IL17RA: variants seen among roughly 807,000 people sequenced by gnomAD.
IL17RA encodes the protein interleukin-17 receptor A.
IL17RA carries 34 observed loss-of-function variants against 50.4 expected under a neutral mutation model. That is an observed-to-expected ratio of 0.67 (90% CI 0.51 to 0.90). The LOEUF is 0.90. Among genes scored for constraint, IL17RA ranks in the 40% least tolerant of loss-of-function variants. IL17RA has a pLI of 0.00. For missense variants in IL17RA, 1,276 were observed against 1,169.8 expected (o/e 1.09, Z -1.32); for synonymous variants, 585 against 510.4 (o/e 1.15, Z -1.97).
chr22:17,091,825 GT>G (rs1568916452), intron 1 of IL17RA, among the ~76,000 whole-genome samples: 1 of 152,092 alleles, frequency 6.6e-6, no homozygotes, highest in Non-Finnish European at 1.5e-5. Context: ...CTTCGTTGTT[GT>G]TTTTGTGCAG....
rs770735195 is a variant in IL17RA at position 17,108,876 on chromosome 22, C to T, written c.1657C>T (p.Leu553=). ...QPGRMHRVGE[L]SGDNYLRSPG... is the part of the protein sequence containing the mutation. ...GGGCCGCATGCACCGCGTAGGGGAG[C>T]TGTCGGGGGACAACTACCTGCGGAG... Residue 553 remains leucine, a synonymous_variant, in exon 13 of 13, where the codon CTG becomes TTG. Coordinates refer to ENST00000319363, the MANE Select transcript of IL17RA (RefSeq NM_014339.7). The T allele has an allele frequency of 6.2e-7, 1 of 1,610,536 alleles. No homozygotes were observed. Among genetic ancestry groups the T allele is most frequent in the Non-Finnish European group, 8.5e-7 (1 of 1,178,738 alleles).
chr22:17,109,414 C>T lies in IL17RA; in HGVS notation c.2195C>T (p.Thr732Ile), dbSNP rs2061430317. The T allele has an allele frequency of 1.9e-6, 3 of 1,613,096 alleles. No individual in the cohort carries two copies. Among genetic ancestry groups the T allele is most frequent in the Non-Finnish European group, 2.5e-6 (3 of 1,179,952 alleles). The change falls in exon 13 of 13, where the codon ACC (threonine) becomes ATC (isoleucine). Residue 732 changes from threonine (T) to isoleucine (I), a missense_variant. Transcript: ENST00000319363. The stretch of plus-strand genomic sequence containing the variant: ...GAGGACTCGCCCCTTGGCAGCAGCA[C>T]CCCCATGGCGTCTCCTGACCTCCTT... Reference protein sequence around the residue: ...DPEDSPLGSSTPMASPDLLPE... With the variant: ...DPEDSPLGSSIPMASPDLLPE...
rs769892007 is a variant in IL17RA at position 17,097,866 on chromosome 22, T to C, written c.233T>C (p.Ile78Thr). ...CCCTCCTCCCCAAAGGACCTGCAGATCCAGCTGCACTTTGCCCACACCCAA... is the reference window on the plus strand; with the variant it reads ...CCCTCCTCCCCAAAGGACCTGCAGACCCAGCTGCACTTTGCCCACACCCAA... ...LTPSSPKDLQ[I>T]QLHFAHTQQG... The change falls in exon 3 of 13, where the codon ATC becomes ACC. Residue 78 changes from isoleucine (I) to threonine (T), a missense_variant. Physicochemically the swap from Ile to Thr is moderately conservative, Grantham distance 89. Coordinates refer to ENST00000319363, the MANE Select transcript of IL17RA (RefSeq NM_014339.7). The C allele has an allele frequency of 6.2e-7, 1 of 1,614,182 alleles. No homozygotes were observed. Among genetic ancestry groups the C allele is most frequent in the Admixed American group, 1.7e-5 (1 of 60,030 alleles).
Position 17,109,281 on chromosome 22 carries a change from G to A in IL17RA, c.2062G>A (p.Asp688Asn). 1.3e-6 allele frequency: 2 copies of A among 1,515,866 alleles called. No homozygotes were observed. Among genetic ancestry groups the A allele is most frequent in the Non-Finnish European group, 1.8e-6 (2 of 1,136,586 alleles). The allele number at this position is 1,515,866 out of a possible 1,614,324, so 93.9% of individuals were successfully genotyped here. A position where few individuals can be genotyped will look rare whatever the true frequency, so the allele number is the denominator to read the frequency against. Residue 688 changes from aspartate to asparagine, a missense_variant, in exon 13 of 13, where the codon GAC becomes AAC. Transcript: ENST00000319363. ...CGCGGTGGAGCCTGGGCCCCTGGCT[G>A]ACGGTGCCGCAGTCCGGCTGGCACT... ...VAAVEPGPLADGAAVRLALAG... is the reference protein window; with the variant it reads ...VAAVEPGPLANGAAVRLALAG...
intron 9 of IL17RA, among the ~76,000 whole-genome samples, chr22:17,105,092 G>A (rs911338514): frequency 6.6e-6 from 1 of 152,110 alleles, no homozygotes. Flanking sequence ...TTTTATCCTA[G>A]AGCCCTAGTT....
rs1361581385 is a variant in IL17RA at position 17,114,389 on chromosome 22, T to C, written c.*4569T>C. 1 of 152,298 alleles carries C rather than the reference T, an allele frequency of 6.6e-6. No homozygotes were observed. Among genetic ancestry groups the C allele is most frequent in the African/African-American group, 2.4e-5 (1 of 41,440 alleles). 9.4% of individuals were successfully genotyped at this position (152,298 alleles called of 1,614,324 possible). A position where few individuals can be genotyped will look rare whatever the true frequency, so the allele number is the denominator to read the frequency against. On this transcript the variant is annotated 3_prime_UTR_variant, in exon 13 of 13. Coordinates refer to ENST00000319363, the MANE Select transcript of IL17RA (RefSeq NM_014339.7). ...AGGCAGTCACCCGGGTGGGCCAGTC[T>C]TGCCTGTGGGAGGAACATGCAGTCT...
Position 17,085,220 on chromosome 22 carries a change from C to G in IL17RA, c.129C>G (p.Cys43Trp), listed in dbSNP as rs1320470293. Residue 43 changes from cysteine to tryptophan, a missense_variant, in exon 1 of 13, where the codon TGC becomes TGG. By Grantham distance (215) the Cys-to-Trp change is radical. Transcript: ENST00000319363. ...LRLLDHRALVCSQPGLNCTVK... is the reference protein window; with the variant it reads ...LRLLDHRALVWSQPGLNCTVK... ...TCCTGGACCACCGGGCGCTGGTCTG[C>G]TCCCAGCCGGTGAGACTCGACGTGG... 3 of 1,537,726 alleles carry G rather than the reference C, an allele frequency of 2.0e-6. No homozygotes were observed. The highest frequency in any genetic ancestry group is 2.6e-6 in the Non-Finnish European group (3 of 1,145,848).
intron 10 of IL17RA, 114 bp downstream of exon 10, chr22:17,105,716 G>T: frequency 7.8e-7 from 1 of 1,278,614 alleles, no homozygotes; most frequent in Non-Finnish European, 1.1e-6. Flanking sequence ...AGGCCAGCCC[G>T]GGGTGGGGGG....
At chr22:17,102,352 C>T in intron 7 of IL17RA, 50 bp downstream of exon 7, 1 of 1,594,852 alleles carries the variant, frequency 6.3e-7, no homozygotes, top group African/African-American at 1.3e-5. Flanking sequence ...ACCACCCCTC[C>T]AAGCCCTGAG....
chr22:17,107,825 T>C (rs1189400474), intron 12 of IL17RA, 57 bp downstream of exon 12: 1 of 1,498,540 alleles, frequency 6.7e-7, no homozygotes, highest in South Asian at 1.1e-5. Flanking sequence ...AGGGTTCTCC[T>C]GGGATAAGTG....
At chr22:17,096,935 C>T in intron 1 of IL17RA, 127 bp from the exon 2 acceptor site, 1 of 863,568 alleles carries the variant, frequency 1.2e-6, no homozygotes, top group Admixed American at 1.7e-5. Flanking sequence ...ATCCTATTCC[C>T]CAAAAAGTGA....
Position 17,113,022 on chromosome 22 carries a change from A to G in IL17RA, c.*3202A>G, listed in dbSNP as rs1182230695. On this transcript the variant is annotated 3_prime_UTR_variant, in exon 13 of 13. Transcript: ENST00000319363. Reference sequence around the variant, plus strand: ...TTTGTTTTTTTTTTTTTTAAGGAATAATTACTTTGATTCAAAACCAGTTTC... The same window carrying G: ...TTTGTTTTTTTTTTTTTTAAGGAATGATTACTTTGATTCAAAACCAGTTTC... 2 of 148,706 alleles carry G rather than the reference A, an allele frequency of 1.3e-5. No individual in the cohort carries two copies. The highest frequency in any genetic ancestry group is 1.5e-5 in the Non-Finnish European group (1 of 67,396). The allele number at this position is 148,706 out of a possible 1,614,324, so 9.2% of individuals were successfully genotyped here.
intron 7 of IL17RA, among the ~76,000 whole-genome samples, chr22:17,102,932 A>T (rs1013295627): frequency 7.9e-5 from 12 of 152,232 alleles, no homozygotes; most frequent in African/African-American, 2.9e-4. Context: ...ACTTGAGGTC[A>T]GGAGTTCGAG....
chr22:17,097,546 T>C lies in IL17RA; in HGVS notation c.164-251T>C, dbSNP rs141798811. The C allele has an allele frequency of 2.9e-4, 168 of 581,110 alleles. 2 individuals carry two copies. The highest frequency in any genetic ancestry group is 1.9e-3 in the African/African-American group (101 of 53,660). 36.0% of individuals were successfully genotyped at this position (581,110 alleles called of 1,614,324 possible). A position where few individuals can be genotyped will look rare whatever the true frequency, so the allele number is the denominator to read the frequency against. ...TGCCCTTATTCCCAATCACAACTTC[T>C]TCTCAAAATCAACTTGTGTACTTTG... is the stretch of plus-strand genomic sequence containing the variant. On this transcript the variant is annotated intron_variant, in intron 2 of 12. Transcript: ENST00000319363.
Position 17,112,466 on chromosome 22 carries a change from C to T in IL17RA, c.*2646C>T, listed in dbSNP as rs2061447468. On this transcript the variant is annotated 3_prime_UTR_variant, in exon 13 of 13. Transcript: ENST00000319363. ...ACCCCAACCTCCCCATCCCTAGGCA[C>T]CCCTAGGCTACTTTGATCTCTGTAG... is the stretch of plus-strand genomic sequence containing the variant. 1 of 151,940 alleles carries T rather than the reference C, an allele frequency of 6.6e-6. No individual in the cohort carries two copies. The highest frequency in any genetic ancestry group is 1.5e-5 in the Non-Finnish European group (1 of 68,066). The allele number at this position is 151,940 out of a possible 1,614,324, so 9.4% of individuals were successfully genotyped here. A position where few individuals can be genotyped will look rare whatever the true frequency, so the allele number is the denominator to read the frequency against.
At chr22:17,107,336 A>G (rs2061418496) in intron 11 of IL17RA, among the ~76,000 whole-genome samples, 1 of 152,222 alleles carries the variant, frequency 6.6e-6, no homozygotes, top group Admixed American at 6.5e-5. Flanking sequence ...AGGAACCAGA[A>G]TGGACACCAC....
chr22:17,087,320 G>A (rs890080879), intron 1 of IL17RA, among the ~76,000 whole-genome samples: 1 of 152,192 alleles, frequency 6.6e-6, no homozygotes, highest in African/African-American at 2.4e-5. Context: ...CTGGGCCTGG[G>A]TTCCCTCATT....
At chr22:17,087,389 TGTAA>T (rs2061331867) in intron 1 of IL17RA, among the ~76,000 whole-genome samples, 1 of 152,186 alleles carries the variant, frequency 6.6e-6, no homozygotes, top group East Asian at 1.9e-4. Flanking sequence ...CCTTCCAGAA[TGTAA>T]GTGTCTGTCC....
At chr22:17,098,414 C>G (rs1008250002) in intron 3 of IL17RA, among the ~76,000 whole-genome samples, 2 of 152,156 alleles carry the variant, frequency 1.3e-5, no homozygotes, top group East Asian at 3.9e-4. Flanking sequence ...GGGGGAAGTT[C>G]TTTTTGGAAG....
Sources: allele counts gnomAD v4.1 joint callset (sites outside exome capture counted in the v4.1 genomes callset), GRCh38; gene constraint gnomAD v4.1.1; transcripts MANE v1.5; gene names NCBI Gene and HGNC (gene_info 2026-07-23, HGNC 2026-07-21).